Variants in MUC13 observed in about 807,000 individuals in gnomAD.
The protein encoded by MUC13 is mucin-13.
In MUC13, 32 loss-of-function variants were observed where a neutral mutation model predicts 48.3. The observed-to-expected ratio is 0.66, with a 90% CI of 0.50 to 0.89. The LOEUF (loss-of-function observed/expected upper bound fraction) is 0.89, where lower values mean the gene tolerates loss of function less well. Among genes scored for constraint, MUC13 ranks in the 40% least tolerant of loss-of-function variants. The pLI is 0.00. For missense variants in MUC13, 571 were observed against 622.8 expected (o/e 0.92, Z 0.88); for synonymous variants, 199 against 224.9 (o/e 0.88, Z 1.03).
At chr3:124,918,708 C>A (rs1483485211) in intron 5 of MUC13, among the ~76,000 whole-genome samples, 11 of 152,222 alleles carry the variant, frequency 7.2e-5, no homozygotes, top group African/African-American at 1.4e-4. Context: ...ACAGGCTTAG[C>A]TAACTCCATT....
intron 2 of MUC13, 77 bp from the exon 3 acceptor site, chr3:124,923,726 T>C (rs1410025023): frequency 1.4e-6 from 2 of 1,475,534 alleles, no homozygotes; most frequent in Non-Finnish European, 1.9e-6. Context: ...TTTTCCATCT[T>C]CATGCCTCCC....
Position 124,908,076 on chromosome 3 carries a change from C to G in MUC13, c.*71G>C, listed in dbSNP as rs1935347586. Reference sequence around the variant, plus strand: ...GCGGGGCAGCCAAGGATTGAAGATTCAGCAACCAGGTCTCTGCTCTGCCCT... The same window carrying G: ...GCGGGGCAGCCAAGGATTGAAGATTGAGCAACCAGGTCTCTGCTCTGCCCT... On this transcript the variant is annotated intron_variant, in intron 11 of 11. Coordinates refer to ENST00000616727, the MANE Select transcript of MUC13 (RefSeq NM_033049.4). 3 of 1,456,286 alleles carry G rather than the reference C, an allele frequency of 2.1e-6. No individual in the cohort carries two copies. In the Admixed American group the frequency reaches 6.1e-5, roughly 29 times the overall value. The allele number at this position is 1,456,286 out of a possible 1,614,324, so 90.2% of individuals were successfully genotyped here. A position where few individuals can be genotyped will look rare whatever the true frequency, so the allele number is the denominator to read the frequency against.
intron 10 of MUC13, 105 bp from the exon 11 acceptor site, chr3:124,908,453 C>T (rs1559996081): frequency 7.4e-6 from 7 of 941,956 alleles, no homozygotes; most frequent in South Asian, 1.8e-5. Flanking sequence ...AATAATCTCA[C>T]ATTTATTTGT....
Position 124,933,844 on chromosome 3 carries a change from C to T in MUC13, c.52+817G>A, listed in dbSNP as rs146690554. Among the ~76,000 whole-genome samples, 749 of 152,296 alleles carry T rather than the reference C, an allele frequency of 4.9e-3. 3 individuals carry two copies. The highest frequency in any genetic ancestry group is 0.024 in the Middle Eastern group (7 of 294). On this transcript the variant is annotated intron_variant, in intron 1 of 11. Transcript: ENST00000616727. ...AAAATTTTAGGAAGCCAATTGGCCT[C>T]CACAACCCTCACCTCTCAACATACT...
intron 1 of MUC13, among the ~76,000 whole-genome samples, chr3:124,930,142 C>T (rs1935769164): frequency 6.6e-6 from 1 of 152,218 alleles, no homozygotes; most frequent in Admixed American, 6.5e-5. Flanking sequence ...CAACATGTTT[C>T]TGTAGATGTG....
intron 1 of MUC13, among the ~76,000 whole-genome samples, chr3:124,928,210 C>G (rs1935730788): frequency 2.0e-5 from 3 of 151,346 alleles, no homozygotes; most frequent in Admixed American, 1.3e-4. Context: ...AGTGCCATGC[C>G]CAGCCTCAAC....
chr3:124,910,566 T>C, intron 9 of MUC13, 67 bp from the exon 10 acceptor site: 1 of 1,594,942 alleles, frequency 6.3e-7, no homozygotes, highest in South Asian at 1.1e-5. Context: ...CTGCACAGGT[T>C]CGTGTATTCC....
intron 2 of MUC13, among the ~76,000 whole-genome samples, chr3:124,924,694 G>A (rs1287963188): frequency 6.6e-6 from 1 of 152,216 alleles, no homozygotes; most frequent in East Asian, 1.9e-4. Context: ...TCTGGGGAAG[G>A]AAACTGGGGG....
intron 5 of MUC13, among the ~76,000 whole-genome samples, chr3:124,918,638 G>A (rs780296292): frequency 6.6e-6 from 1 of 152,190 alleles, no homozygotes; most frequent in African/African-American, 2.4e-5. Context: ...CAAAGGTTCC[G>A]AGAGGTTAGA....
chr3:124,932,013 C>G (rs1935807599), intron 1 of MUC13, among the ~76,000 whole-genome samples: 1 of 151,938 alleles, frequency 6.6e-6, no homozygotes, highest in African/African-American at 2.4e-5. Context: ...CCATTGCACT[C>G]CAGCCTGGGC....
intron 2 of MUC13, among the ~76,000 whole-genome samples, chr3:124,923,891 G>C (rs369295645): frequency 6.6e-6 from 1 of 152,140 alleles, no homozygotes; most frequent in Non-Finnish European, 1.5e-5. Flanking sequence ...TCAGAGATTA[G>C]TGTACAAGGG....
chr3:124,933,365 T>G (rs1370085479), intron 1 of MUC13, among the ~76,000 whole-genome samples: 4 of 152,204 alleles, frequency 2.6e-5, no homozygotes, highest in Non-Finnish European at 5.9e-5. Context: ...TTAAAAACTC[T>G]TAGAGGTCAA....
chr3:124,932,124 A>G (rs1033992509), intron 1 of MUC13, among the ~76,000 whole-genome samples: 1 of 152,206 alleles, frequency 6.6e-6, no homozygotes, highest in African/African-American at 2.4e-5. Flanking sequence ...CAGTATTAAT[A>G]TATCTGGAGG....
At chr3:124,923,200 G>A (rs946712368) in intron 3 of MUC13, among the ~76,000 whole-genome samples, 1 of 151,560 alleles carries the variant, frequency 6.6e-6, no homozygotes, top group African/African-American at 2.4e-5. Context: ...GTGTATAAAT[G>A]TACTCCTGAA....
Position 124,920,307 on chromosome 3 carries a change from T to A in MUC13, c.745-18A>T, listed in dbSNP as rs9862266. The A allele has an allele frequency of 1.8e-3, 2,837 of 1,577,450 alleles. 50 individuals carry two copies. In the African/African-American group the frequency reaches 0.035, roughly 20 times the overall value. On this transcript the variant is annotated intron_variant, in intron 4 of 11. Transcript: ENST00000616727. ...TCTTTAAACTGTGGAGGAAAACAGA[T>A]TTAATAACAAGTAAAAAAAATTTTT...
At chr3:124,931,417 C>G (rs552129469) in intron 1 of MUC13, among the ~76,000 whole-genome samples, 1 of 131,044 alleles carries the variant, frequency 7.6e-6, no homozygotes, top group Non-Finnish European at 1.6e-5. Context: ...GGCAACAGAG[C>G]GAGACTCTGT....
rs1433695005 is a variant in MUC13, at chr3:124,905,793, C to T, written c.*950G>A. ...CAGTTTGTCTCCAATTTCAAACTGA[C>T]CTAAGGCTCTTACTCCTGGATTTTT... On this transcript the variant is annotated 3_prime_UTR_variant, in exon 12 of 12. Transcript: ENST00000616727. The T allele has an allele frequency of 1.3e-5, 2 of 152,660 alleles. No individual in the cohort carries two copies. The highest frequency in any genetic ancestry group is 4.8e-5 in the African/African-American group (2 of 41,568). 9.5% of individuals were successfully genotyped at this position (152,660 alleles called of 1,614,324 possible).
chr3:124,923,695 A>T, intron 2 of MUC13, 46 bp from the exon 3 acceptor site: 1 of 1,594,582 alleles, frequency 6.3e-7, no homozygotes, highest in Non-Finnish European at 8.5e-7. Flanking sequence ...AAATGACAAT[A>T]AATAACAACT....
At chr3:124,930,351 A>ATT (rs34755348) in intron 1 of MUC13, among the ~76,000 whole-genome samples, 1,716 of 152,042 alleles carry the variant, frequency 0.011, 42 homozygotes, top group African/African-American at 0.039. Context: ...AATAGCTACG[A>ATT]TTTTTTTTTA....
Sources: allele counts gnomAD v4.1 joint callset (sites outside exome capture counted in the v4.1 genomes callset), GRCh38; gene constraint gnomAD v4.1.1; transcripts MANE v1.5; gene names NCBI Gene and HGNC (gene_info 2026-07-23, HGNC 2026-07-21).